The following SUGCT variants were observed in gnomAD, a reference collection of about 807,000 sequenced individuals.
SUGCT encodes succinyl-CoA:glutarate CoA-transferase.
Under a neutral mutation model 55.0 loss-of-function variants are expected in SUGCT, and 41 were observed. The observed-to-expected ratio is 0.74, with a 90% CI of 0.58 to 0.97. The LOEUF is 0.97. Ranked by LOEUF, SUGCT falls within the 50% of genes least tolerant of loss-of-function variation. The pLI is 0.00. For missense variants in SUGCT, 568 were observed against 547.8 expected (o/e 1.04, Z -0.37); for synonymous variants, 187 against 200.4 (o/e 0.93, Z 0.56).
chr7:40,199,866 C>T (rs944348481), intron 6 of SUGCT, among the ~76,000 whole-genome samples: 1 of 150,986 alleles, frequency 6.6e-6, no homozygotes, highest in African/African-American at 2.4e-5. Context: ...GGGACATTTC[C>T]TTAATCTCTA....
rs549644739 is a variant in SUGCT, at chr7:40,233,134, TAGTC to T, written c.485-4497_485-4494del. 2.6e-5 allele frequency among the ~76,000 whole-genome samples: 4 copies of T among 152,158 alleles called. No homozygotes were observed. The South Asian group carries it at 8.3e-4, about 32-fold the overall frequency. ...TCATAAAATTTATTCATAGTACTGG[TAGTC>T]AGTATTTAAATAGTTACAAGTATAA... On this transcript the variant is annotated intron_variant, in intron 6 of 13. Coordinates refer to ENST00000335693, the MANE Select transcript of SUGCT (RefSeq NM_001193313.2).
chr7:40,282,391 C>A (rs1350310872), intron 8 of SUGCT, among the ~76,000 whole-genome samples: 1 of 151,888 alleles, frequency 6.6e-6, no homozygotes, highest in Non-Finnish European at 1.5e-5. Context: ...TCGCTTGAAC[C>A]CGGGAGGTGG....
intron 12 of SUGCT, among the ~76,000 whole-genome samples, chr7:40,528,929 A>G (rs78617670): frequency 0.027 from 4,170 of 152,294 alleles, 188 homozygotes; most frequent in African/African-American, 0.097. Context: ...TGCAAAAGCC[A>G]TGCTTTTTTG....
At chr7:40,792,932 A>G (rs1790384716) in intron 13 of SUGCT, among the ~76,000 whole-genome samples, 1 of 152,110 alleles carries the variant, frequency 6.6e-6, no homozygotes. Flanking sequence ...TGTGCTGGAG[A>G]TTCTATTCAG....
chr7:40,425,936 C>G (rs562351212), intron 9 of SUGCT, among the ~76,000 whole-genome samples: 68 of 152,214 alleles, frequency 4.5e-4, no homozygotes, highest in African/African-American at 1.6e-3. Flanking sequence ...GTTTCCTCAA[C>G]AGTAAATTTA....
chr7:40,616,910 C>T (rs1799031166), intron 12 of SUGCT, among the ~76,000 whole-genome samples: 1 of 152,074 alleles, frequency 6.6e-6, no homozygotes, highest in Admixed American at 6.6e-5. Flanking sequence ...CTATATTTTC[C>T]CATTTGCATG....
the SUGCT span, among the ~76,000 whole-genome samples, chr7:40,874,997 T>G: frequency 6.6e-6 from 1 of 152,252 alleles, no homozygotes; most frequent in Admixed American, 6.5e-5. Flanking sequence ...GCACTGCACT[T>G]AATTATGGGA....
At chr7:40,200,744 A>T (rs939763039) in intron 6 of SUGCT, among the ~76,000 whole-genome samples, 4 of 151,262 alleles carry the variant, frequency 2.6e-5, no homozygotes, top group Non-Finnish European at 4.4e-5. Context: ...AATGCAGATT[A>T]AAAAAAAAGA....
At chr7:40,867,047 A>G in the SUGCT span, among the ~76,000 whole-genome samples, 1 of 151,840 alleles carries the variant, frequency 6.6e-6, no homozygotes, top group Non-Finnish European at 1.5e-5. Context: ...GACAGTTGTC[A>G]GAGTTGTTAC....
chr7:41,026,151 C>T, the SUGCT span, among the ~76,000 whole-genome samples: 1 of 152,194 alleles, frequency 6.6e-6, no homozygotes, highest in Non-Finnish European at 1.5e-5. Flanking sequence ...CTTCATGGGC[C>T]TGCGACCTGC....
At chr7:40,531,673 T>G (rs1794096266) in intron 12 of SUGCT, among the ~76,000 whole-genome samples, 1 of 151,566 alleles carries the variant, frequency 6.6e-6, no homozygotes, top group Non-Finnish European at 1.5e-5. Flanking sequence ...TATATATTTT[T>G]TTATTTTTTT....
chr7:40,729,242 C>A (rs935552654), intron 12 of SUGCT, among the ~76,000 whole-genome samples: 4 of 152,122 alleles, frequency 2.6e-5, no homozygotes, highest in Admixed American at 6.5e-5. Flanking sequence ...TTGTTTTAGC[C>A]ATCACATATT....
chr7:40,820,208 G>A (rs1204741067), intron 13 of SUGCT, among the ~76,000 whole-genome samples: 7 of 152,180 alleles, frequency 4.6e-5, no homozygotes, highest in African/African-American at 1.4e-4. Context: ...GATGCCTCCA[G>A]CTTTGTTCTT....
chr7:40,716,000 T>C (rs549950100), intron 12 of SUGCT, among the ~76,000 whole-genome samples: 1 of 152,336 alleles, frequency 6.6e-6, no homozygotes, highest in Middle Eastern at 3.4e-3. Flanking sequence ...AGAGACATTT[T>C]CCTATTTCTC....
chr7:40,259,138 A>C lies in SUGCT; in HGVS notation c.577-15375A>C, dbSNP rs377168462. ...CTAACTCATAGATGTAGAGAGTAGA[A>C]TGGTGGTTACCAGAGGCCTGGGGAG... On this transcript the variant is annotated intron_variant, in intron 7 of 13. Coordinates refer to ENST00000335693, the MANE Select transcript of SUGCT (RefSeq NM_001193313.2). Among the ~76,000 whole-genome samples, 140 of 152,306 alleles carry C rather than the reference A, an allele frequency of 9.2e-4. 4 individuals carry two copies. In the South Asian group the frequency reaches 0.027, roughly 29 times the overall value.
rs537163260 is a variant in SUGCT at position 40,250,459 on chromosome 7, A to G, written c.576+12733A>G. On this transcript the variant is annotated intron_variant, in intron 7 of 13. Transcript: ENST00000335693. ...ACATATTTATTATAAAACTGAAACA[A>G]TGTCAAAAATAATGGGGAAGAAAGT... Among the ~76,000 whole-genome samples the G allele has an allele frequency of 5.9e-5, 9 of 151,978 alleles. No homozygotes were observed. The East Asian group carries it at 1.7e-3, about 29-fold the overall frequency.
chr7:41,006,580 A>C, the SUGCT span, among the ~76,000 whole-genome samples: 2 of 152,222 alleles, frequency 1.3e-5, no homozygotes, highest in Non-Finnish European at 1.5e-5. Context: ...CAAGACAGTG[A>C]GTTCTCATGG....
intron 12 of SUGCT, among the ~76,000 whole-genome samples, chr7:40,699,285 T>A (rs2128660003): frequency 6.6e-6 from 1 of 152,270 alleles, no homozygotes; most frequent in East Asian, 1.9e-4. Flanking sequence ...ATAACTGGGA[T>A]GCAGCTCACA....
intron 1 of SUGCT, among the ~76,000 whole-genome samples, chr7:40,154,623 C>T (rs1286723567): frequency 1.3e-5 from 2 of 152,052 alleles, no homozygotes; most frequent in African/African-American, 4.8e-5. Context: ...AGCCACAACA[C>T]CTGACCTATT....
Sources: allele counts gnomAD v4.1 joint callset (sites outside exome capture counted in the v4.1 genomes callset), GRCh38; gene constraint gnomAD v4.1.1; transcripts MANE v1.5; gene names NCBI Gene and HGNC (gene_info 2026-07-23, HGNC 2026-07-21).